The following EXD3 variants were observed in gnomAD, a reference collection of about 807,000 sequenced individuals.
The protein encoded by EXD3 is exonuclease 3'-5' domain containing 3, also known as exonuclease mut-7 homolog.
Under a neutral mutation model 98.0 loss-of-function variants are expected in EXD3, and 92 were observed. The observed-to-expected ratio is 0.94, with a 90% CI of 0.79 to 1.12. The LOEUF is 1.12. Among genes scored for constraint, EXD3 ranks in the 50% most tolerant of loss-of-function variants. The pLI, the probability that EXD3 is intolerant of heterozygous loss-of-function variation, is 0.00. For missense variants in EXD3, 1,222 were observed against 1,191.6 expected, an observed-to-expected ratio of 1.03 and a Z score of -0.38; for synonymous variants, 569 against 526.0, an observed-to-expected ratio of 1.08 and a Z score of -1.12.
chr9:137,349,023 C>T lies in EXD3; in HGVS notation c.1830+87G>A. On this transcript the variant is annotated intron_variant, in intron 16 of 21. Coordinates refer to ENST00000340951, the MANE Select transcript of EXD3 (RefSeq NM_017820.5). This position sits in a 1 kb window ranked among gnomAD's most constrained non-coding sequence, Gnocchi z 7.4. ...CCTCCACACGCTCTGACCCAGTGGC[C>T]TTGTCTCCATGCAGGTCCTTGGTTT... The T allele has an allele frequency of 6.9e-7, 1 of 1,446,136 alleles. No individual in the cohort carries two copies. The highest frequency in any genetic ancestry group is 9.2e-7 in the Non-Finnish European group (1 of 1,092,208). The allele number at this position is 1,446,136 out of a possible 1,614,324, so 89.6% of individuals were successfully genotyped here.
chr9:137,355,124 G>A (rs1264533512), intron 8 of EXD3, among the ~76,000 whole-genome samples: 1 of 152,220 alleles, frequency 6.6e-6, no homozygotes, highest in African/African-American at 2.4e-5. Flanking sequence ...CTCGTGGACA[G>A]AGCCGGCTGC....
chr9:137,321,819 G>A (rs1474473762), intron 19 of EXD3, among the ~76,000 whole-genome samples: 1 of 152,208 alleles, frequency 6.6e-6, no homozygotes, highest in African/African-American at 2.4e-5. Context: ...GAACTGCCGA[G>A]AGCCAGCACA....
At chr9:137,356,047 G>T (rs1228836924) in intron 8 of EXD3, among the ~76,000 whole-genome samples, 1 of 152,174 alleles carries the variant, frequency 6.6e-6, no homozygotes, top group Non-Finnish European at 1.5e-5. Context: ...GTGGGCAGAG[G>T]AGCTCATAGA....
chr9:137,416,521 C>T (rs1234413400), intron 1 of EXD3, among the ~76,000 whole-genome samples: 1 of 152,240 alleles, frequency 6.6e-6, no homozygotes, highest in Admixed American at 6.5e-5. Flanking sequence ...GGGCAGGCGC[C>T]CGGAACCTCG....
Position 137,378,189 on chromosome 9 carries a change from GATTT to G in EXD3, c.121-4594_121-4591del, listed in dbSNP as rs370762310. On this transcript the variant is annotated intron_variant, in intron 3 of 21. Transcript: ENST00000340951. ...ATTCTATTCCAGGCAGTTTCCCAAA[GATTT>G]ATTTGTTTATTTATTTTTATTTATT... is the stretch of plus-strand genomic sequence containing the variant. 2.4e-3 allele frequency among the ~76,000 whole-genome samples: 364 copies of G among 151,750 alleles called. 2 individuals carry two copies. Among genetic ancestry groups the G allele is most frequent in the African/African-American group, 8.5e-3 (353 of 41,378 alleles).
intron 8 of EXD3, among the ~76,000 whole-genome samples, 195 bp from the exon 9 acceptor site, chr9:137,354,968 G>C (rs989212273): frequency 6.6e-6 from 1 of 152,190 alleles, no homozygotes; most frequent in Non-Finnish European, 1.5e-5. Flanking sequence ...GGGTCCCGCC[G>C]GCCCCGGGGT....
Position 137,403,606 on chromosome 9 carries a change from CT to C in EXD3, c.-47-8203del, listed in dbSNP as rs1837578827. 1.3e-5 allele frequency among the ~76,000 whole-genome samples: 2 copies of C among 151,960 alleles called. No homozygotes were observed. The highest frequency in any genetic ancestry group is 1.3e-4 in the Admixed American group (2 of 15,284). On this transcript the variant is annotated intron_variant, in intron 1 of 21. Transcript: ENST00000340951. The surrounding 1 kb of genome is among the most constrained non-coding windows in gnomAD (Gnocchi z 6.1). ...TTCGCCTCTCTCCTTCTCTTTGCCC[CT>C]AAGGGGTTTTGCCTTTTTAATTCTT...
rs1834539145 is a variant in EXD3, at chr9:137,354,907, C to T, written c.758-134G>A. On this transcript the variant is annotated intron_variant, in intron 8 of 21. Coordinates refer to ENST00000340951, the MANE Select transcript of EXD3 (RefSeq NM_017820.5). ...TCCTCCACCTCTGCCCCGGAGCCCACCCCCTCCTCACCACCTGGGCCTCTG... is the reference window on the plus strand; with the variant it reads ...TCCTCCACCTCTGCCCCGGAGCCCATCCCCTCCTCACCACCTGGGCCTCTG... 5 of 868,864 alleles carry T rather than the reference C, an allele frequency of 5.8e-6. No individual in the cohort carries two copies. The East Asian group carries it at 1.3e-4, about 23-fold the overall frequency. 53.8% of individuals were successfully genotyped at this position (868,864 alleles called of 1,614,324 possible).
At chr9:137,334,543 G>A (rs1399577019) in intron 17 of EXD3, among the ~76,000 whole-genome samples, 1 of 151,964 alleles carries the variant, frequency 6.6e-6, no homozygotes, top group Non-Finnish European at 1.5e-5. Flanking sequence ...GTAGGAGAAT[G>A]AAACTGGATC....
intron 1 of EXD3, among the ~76,000 whole-genome samples, chr9:137,420,604 T>C (rs959416558): frequency 3.3e-5 from 5 of 152,126 alleles, no homozygotes; most frequent in African/African-American, 1.2e-4. Context: ...AAAAGCCCCT[T>C]GGGATGACTG....
chr9:137,363,575 T>C (rs1399243392), intron 7 of EXD3, among the ~76,000 whole-genome samples: 1 of 151,942 alleles, frequency 6.6e-6, no homozygotes, highest in Non-Finnish European at 1.5e-5. Context: ...TGACCTCAGG[T>C]GATCCGCCTG....
chr9:137,404,056 G>C (rs1012588276), intron 1 of EXD3, among the ~76,000 whole-genome samples: 1 of 152,138 alleles, frequency 6.6e-6, no homozygotes, highest in Non-Finnish European at 1.5e-5. Flanking sequence ...CCCACTCCCT[G>C]GGTCTCCTCC....
chr9:137,409,824 G>A (rs1475477116), intron 1 of EXD3, among the ~76,000 whole-genome samples: 1 of 152,230 alleles, frequency 6.6e-6, no homozygotes, highest in Non-Finnish European at 1.5e-5. Context: ...GACAAGCGGG[G>A]CTCCCCAGCT....
chr9:137,417,918 G>T (rs751502223), intron 1 of EXD3, among the ~76,000 whole-genome samples: 1 of 152,144 alleles, frequency 6.6e-6, no homozygotes, highest in Non-Finnish European at 1.5e-5. Flanking sequence ...GGGGCCGGAG[G>T]GGGTGAGCTG....
intron 17 of EXD3, among the ~76,000 whole-genome samples, chr9:137,336,717 G>T (rs1359715813): frequency 6.7e-6 from 1 of 150,058 alleles, no homozygotes; most frequent in Non-Finnish European, 1.5e-5. Flanking sequence ...TAAATCCATG[G>T]CAAAATATGC....
In EXD3 at chr9:137,368,127, G is replaced by A. The variant is rs551369082; in HGVS notation, c.463-138C>T. ...GCAGGGCCTTCCCGTGTTCAGCCAC[G>A]TGGCCCTCAGGCCGAGGGGCCTGGC... On this transcript the variant is annotated intron_variant, in intron 5 of 21. Coordinates refer to ENST00000340951, the MANE Select transcript of EXD3 (RefSeq NM_017820.5). The A allele has an allele frequency of 7.9e-5, 56 of 704,810 alleles. No homozygotes were observed. The African/African-American group carries it at 8.9e-4, about 11-fold the overall frequency. 43.7% of individuals were successfully genotyped at this position (704,810 alleles called of 1,614,324 possible).
chr9:137,382,691 G>A (rs966366375), intron 3 of EXD3, among the ~76,000 whole-genome samples: 6 of 152,116 alleles, frequency 3.9e-5, no homozygotes, highest in Non-Finnish European at 7.4e-5. Flanking sequence ...CAGGCCAGTG[G>A]ATGTGGCACT....
intron 9 of EXD3, 104 bp from the exon 10 acceptor site, chr9:137,354,481 G>A (rs1276987014): frequency 1.9e-6 from 3 of 1,567,554 alleles, no homozygotes; most frequent in South Asian, 1.1e-5. Flanking sequence ...ATCCTTGGCA[G>A]AGCCCAGGTG....
chr9:137,420,743 C>T (rs76749463), intron 1 of EXD3, among the ~76,000 whole-genome samples: 2 of 147,652 alleles, frequency 1.4e-5, no homozygotes, highest in South Asian at 4.5e-4. Context: ...ATTCACCCCC[C>T]CCCCCAAATT....
Sources: allele counts gnomAD v4.1 joint callset (sites outside exome capture counted in the v4.1 genomes callset), GRCh38; gene constraint gnomAD v4.1.1; non-coding constraint Gnocchi (gnomAD v3.1); transcripts MANE v1.5; gene names NCBI Gene and HGNC (gene_info 2026-07-23, HGNC 2026-07-21).